AKAP19: variants seen among roughly 807,000 people sequenced by gnomAD.
AKAP19 encodes the protein small A-kinase anchoring protein.
chr2:189,923,616 A>C, the AKAP19 span: 2 of 1,614,120 alleles, frequency 1.2e-6, no homozygotes, highest in Non-Finnish European at 1.7e-6. Flanking sequence ...AACCGAGGAA[A>C]AGCAGGTGTG....
At chr2:190,063,593 A>G in the AKAP19 span, among the ~76,000 whole-genome samples, 1 of 152,184 alleles carries the variant, frequency 6.6e-6, no homozygotes, top group South Asian at 2.1e-4. Context: ...ATATCCAGAG[A>G]GTAAAAAGTG....
chr2:190,120,517 A>G, the AKAP19 span, among the ~76,000 whole-genome samples: 1 of 152,230 alleles, frequency 6.6e-6, no homozygotes, highest in African/African-American at 2.4e-5. Context: ...GGCATAGAAA[A>G]GACACGGGCT....
the AKAP19 span, among the ~76,000 whole-genome samples, chr2:190,173,495 T>G: frequency 2.0e-5 from 3 of 152,216 alleles, no homozygotes; most frequent in African/African-American, 7.2e-5. Context: ...CTGGGGTGAA[T>G]GTAGTTCAAA....
chr2:189,887,294 C>CA, the AKAP19 span, among the ~76,000 whole-genome samples: 1 of 152,312 alleles, frequency 6.6e-6, no homozygotes, highest in South Asian at 2.1e-4. Context: ...CATGTCCCTG[C>CA]AAAGACCATT....
the AKAP19 span, among the ~76,000 whole-genome samples, chr2:190,098,106 T>C: frequency 6.6e-6 from 1 of 152,270 alleles, no homozygotes; most frequent in African/African-American, 2.4e-5. Flanking sequence ...TTTGATCTCC[T>C]CCCATGAATT....
At chr2:189,932,655 A>G in the AKAP19 span, among the ~76,000 whole-genome samples, 2 of 151,108 alleles carry the variant, frequency 1.3e-5, no homozygotes, top group Non-Finnish European at 2.9e-5. Flanking sequence ...GCAGTGAGTC[A>G]GGATAGTGCC....
the AKAP19 span, among the ~76,000 whole-genome samples, chr2:190,109,557 C>T: frequency 2.6e-5 from 4 of 151,838 alleles, no homozygotes; most frequent in African/African-American, 9.7e-5. Flanking sequence ...GGGAGGGGGA[C>T]TCTTGCCGAT....
the AKAP19 span, among the ~76,000 whole-genome samples, chr2:190,175,593 G>C: frequency 6.6e-6 from 1 of 152,278 alleles, no homozygotes; most frequent in Admixed American, 6.5e-5. Context: ...AGGAAATTCT[G>C]TGAGAAAAAC....
At chr2:189,948,616 A>G in the AKAP19 span, among the ~76,000 whole-genome samples, 1 of 152,236 alleles carries the variant, frequency 6.6e-6, no homozygotes, top group Non-Finnish European at 1.5e-5. Flanking sequence ...TTACTACATT[A>G]AACTTATAGC....
chr2:190,201,859 T>C, the AKAP19 span: 1 of 167,000 alleles, frequency 6.0e-6, no homozygotes, highest in East Asian at 1.9e-4. Context: ...CATTTCCAGG[T>C]CATGAAGAGT....
At chr2:190,171,937 A>G in the AKAP19 span, among the ~76,000 whole-genome samples, 9 of 152,102 alleles carry the variant, frequency 5.9e-5, no homozygotes, top group South Asian at 4.1e-4. Context: ...AGAGTTGCCA[A>G]ATTTACCCTA....
the AKAP19 span, among the ~76,000 whole-genome samples, chr2:190,022,728 A>G: frequency 6.6e-6 from 1 of 152,118 alleles, no homozygotes; most frequent in South Asian, 2.1e-4. Flanking sequence ...GTGCCAGGAG[A>G]GTGTCTAGCA....
chr2:190,116,911 G>T, the AKAP19 span, among the ~76,000 whole-genome samples: 1 of 152,168 alleles, frequency 6.6e-6, no homozygotes, highest in East Asian at 1.9e-4. Context: ...GCTTACTATG[G>T]AAATAATAGA....
the AKAP19 span, among the ~76,000 whole-genome samples, chr2:190,194,475 TATACAC>T: frequency 6.5e-4 from 82 of 126,910 alleles, no homozygotes; most frequent in African/African-American, 1.9e-3. Flanking sequence ...GTATCCTGTG[TATACAC>T]ACACACACAC....
At chr2:189,916,092 T>C in the AKAP19 span, among the ~76,000 whole-genome samples, 1 of 152,062 alleles carries the variant, frequency 6.6e-6, no homozygotes, top group Non-Finnish European at 1.5e-5. Context: ...TTTGAAGTCT[T>C]TTAAAAAATA....
chr2:190,037,507 TC>T, the AKAP19 span, among the ~76,000 whole-genome samples: 3 of 152,214 alleles, frequency 2.0e-5, no homozygotes, highest in African/African-American at 7.2e-5. Flanking sequence ...ACAACTCACT[TC>T]CTAAATACAA....
the AKAP19 span, among the ~76,000 whole-genome samples, chr2:190,170,646 TAGA>T: frequency 2.0e-5 from 3 of 152,146 alleles, no homozygotes; most frequent in African/African-American, 7.2e-5. Flanking sequence ...ATTTTGCTCT[TAGA>T]AAAGAGAAGA....
At chr2:189,901,996 G>T in the AKAP19 span, among the ~76,000 whole-genome samples, 3 of 151,930 alleles carry the variant, frequency 2.0e-5, no homozygotes, top group Non-Finnish European at 4.4e-5. Flanking sequence ...TTAGCCTAGG[G>T]TATATGCTCA....
the AKAP19 span, among the ~76,000 whole-genome samples, chr2:189,937,226 G>T: frequency 6.6e-6 from 1 of 152,130 alleles, no homozygotes; most frequent in African/African-American, 2.4e-5. Flanking sequence ...TGAAGGGATG[G>T]ACTGACTACA....
Sources: allele counts gnomAD v4.1 joint callset (sites outside exome capture counted in the v4.1 genomes callset), GRCh38; gene constraint gnomAD v4.1.1; transcripts MANE v1.5; gene names NCBI Gene and HGNC (gene_info 2026-07-23, HGNC 2026-07-21).